DTWD2: variants seen among roughly 807,000 people sequenced by gnomAD.
DTWD2 encodes DTW motif tRNA-uridine aminocarboxypropyltransferase 2.
In DTWD2, 39 loss-of-function variants were observed where a neutral mutation model predicts 31.8. That is an observed-to-expected ratio of 1.22 (90% CI 0.95 to 1.60). The LOEUF is 1.60. Among genes scored for constraint, DTWD2 ranks in the 40% most tolerant of loss-of-function variants. The pLI, the probability that DTWD2 is intolerant of heterozygous loss-of-function variation, is 0.00. For missense variants in DTWD2, 515 were observed against 381.5 expected, an observed-to-expected ratio of 1.35 and a Z score of -2.92; for synonymous variants, 180 against 142.8, an observed-to-expected ratio of 1.26 and a Z score of -1.86.
At chr5:118,907,392 T>TATGGAGG (rs1753357976) in intron 4 of DTWD2, among the ~76,000 whole-genome samples, 3 of 152,118 alleles carry the variant, frequency 2.0e-5, no homozygotes, top group Admixed American at 6.5e-5. Context: ...GACACATGAT[T>TATGGAGG]ATGGAGGATG....
At position 118,859,016 on chromosome 5, in the gene DTWD2, T is replaced by C. The variant is rs937986639; in HGVS notation, c.598-10798A>G. Reference sequence around the variant, plus strand: ...TAATGTCTGGTCATCCCACCTTTAGTGGTGCTAAAATTCATCATTAGTTTG... The same window carrying C: ...TAATGTCTGGTCATCCCACCTTTAGCGGTGCTAAAATTCATCATTAGTTTG... On this transcript the variant is annotated intron_variant, in intron 4 of 5. Transcript: ENST00000510708. Among the ~76,000 whole-genome samples, 3 of 152,314 alleles carry C rather than the reference T, an allele frequency of 2.0e-5. No individual in the cohort carries two copies. The South Asian group carries it at 6.2e-4, about 32-fold the overall frequency.
chr5:118,918,584 G>A (rs537076994), intron 4 of DTWD2, among the ~76,000 whole-genome samples: 4 of 152,148 alleles, frequency 2.6e-5, no homozygotes, highest in South Asian at 4.2e-4. Flanking sequence ...AGCTACCACA[G>A]AAGGCCTGAT....
chr5:118,973,969 A>C, intron 1 of DTWD2: 1 of 1,584,684 alleles, frequency 6.3e-7, no homozygotes, highest in Non-Finnish European at 8.7e-7. Flanking sequence ...AAGAGGAAGA[A>C]GGTGGGGAGG....
At chr5:118,954,963 T>C (rs1207677143) in intron 1 of DTWD2, among the ~76,000 whole-genome samples, 1 of 152,156 alleles carries the variant, frequency 6.6e-6, no homozygotes, top group African/African-American at 2.4e-5. Flanking sequence ...ACTTAAGTAA[T>C]TCATTTGTAT....
chr5:118,966,589 G>A (rs1384296133), intron 1 of DTWD2, among the ~76,000 whole-genome samples: 1 of 152,082 alleles, frequency 6.6e-6, no homozygotes, highest in Non-Finnish European at 1.5e-5. Flanking sequence ...TATATCTTTA[G>A]TACATTACAT....
At position 118,988,484 on chromosome 5, in the gene DTWD2, G is replaced by C. The variant is rs759144326; in HGVS notation, c.28C>G (p.Leu10Val). 1.3e-6 allele frequency: 2 copies of C among 1,598,186 alleles called. No individual in the cohort carries two copies. The highest frequency in any genetic ancestry group is 1.7e-6 in the Non-Finnish European group (2 of 1,174,278). Residue 10 changes from leucine (L) to valine (V), a missense_variant, in exon 1 of 6, where the codon CTC (leucine) becomes GTC (valine). Transcript: ENST00000510708. MESQKEARTLQEPVARPSGA... is the reference protein window; with the variant it reads MESQKEARTVQEPVARPSGA... ...GAAGGCCGCGCAACGGGCTCCTGGA[G>C]TGTTCGTGCCTCTTTCTGCGACTCC...
intron 4 of DTWD2, among the ~76,000 whole-genome samples, chr5:118,898,591 G>A (rs1383156670): frequency 1.3e-5 from 2 of 150,682 alleles, no homozygotes; most frequent in Non-Finnish European, 3.0e-5. Flanking sequence ...CCTGGGAGGC[G>A]GAGGTTGCAG....
chr5:118,979,536 A>G (rs1311021580), intron 1 of DTWD2, among the ~76,000 whole-genome samples: 2 of 152,216 alleles, frequency 1.3e-5, no homozygotes, highest in Non-Finnish European at 2.9e-5. Context: ...AAATCATTCT[A>G]TTATAAAGAT....
At chr5:118,941,878 G>A (rs943447673) in intron 2 of DTWD2, among the ~76,000 whole-genome samples, 2 of 152,162 alleles carry the variant, frequency 1.3e-5, no homozygotes. Flanking sequence ...ATTCTAACTG[G>A]TGTGAGATGA....
chr5:118,887,494 C>A (rs1752892296), intron 4 of DTWD2, among the ~76,000 whole-genome samples: 1 of 152,202 alleles, frequency 6.6e-6, no homozygotes, highest in Non-Finnish European at 1.5e-5. Flanking sequence ...AGATGGAGTA[C>A]ACCCAACCAC....
intron 4 of DTWD2, among the ~76,000 whole-genome samples, chr5:118,892,989 G>A (rs1367664517): frequency 6.6e-6 from 1 of 151,618 alleles, no homozygotes; most frequent in African/African-American, 2.4e-5. Context: ...AACAGATATG[G>A]GAGTGGTTAC....
intron 4 of DTWD2, among the ~76,000 whole-genome samples, chr5:118,907,773 C>T (rs1753367519): frequency 6.6e-6 from 1 of 151,504 alleles, no homozygotes; most frequent in Non-Finnish European, 1.5e-5. Flanking sequence ...GTCAGTGGCA[C>T]AGATGAAGTC....
At chr5:118,843,864 C>G (rs1751784472) in intron 5 of DTWD2, among the ~76,000 whole-genome samples, 1 of 152,216 alleles carries the variant, frequency 6.6e-6, no homozygotes, top group South Asian at 2.1e-4. Flanking sequence ...AGCAGATTGG[C>G]ATTTTCTATC....
At chr5:118,924,873 C>T (rs566452203) in intron 4 of DTWD2, among the ~76,000 whole-genome samples, 5 of 152,188 alleles carry the variant, frequency 3.3e-5, no homozygotes, top group African/African-American at 1.2e-4. Flanking sequence ...CTTTGGTTTC[C>T]TCATCTGTTA....
At chr5:118,963,480 A>G (rs1580441146) in intron 1 of DTWD2, among the ~76,000 whole-genome samples, 1 of 152,200 alleles carries the variant, frequency 6.6e-6, no homozygotes, top group East Asian at 1.9e-4. Context: ...CTGAGGACTG[A>G]CCTGCAGGAC....
intron 4 of DTWD2, among the ~76,000 whole-genome samples, chr5:118,884,493 A>C (rs1004443117): frequency 2.6e-5 from 4 of 152,216 alleles, no homozygotes; most frequent in Admixed American, 1.3e-4. Context: ...ACTCATACAC[A>C]AAGTTCATCA....
At chr5:118,944,466 C>G (rs908530432) in intron 2 of DTWD2, 93 bp downstream of exon 2, 16 of 1,274,702 alleles carry the variant, frequency 1.3e-5, no homozygotes, top group African/African-American at 3.0e-5. Flanking sequence ...TTCAGAAATG[C>G]TAAAGAGCTG....
chr5:118,934,321 C>T (rs1345343459), intron 3 of DTWD2, among the ~76,000 whole-genome samples: 1 of 72,120 alleles, frequency 1.4e-5, no homozygotes, highest in African/African-American at 4.6e-5. Context: ...ATCTAAATAA[C>T]TGCTTTAGAT....
At chr5:118,902,550 C>G (rs1418919677) in intron 4 of DTWD2, among the ~76,000 whole-genome samples, 1 of 152,018 alleles carries the variant, frequency 6.6e-6, no homozygotes, top group Admixed American at 6.6e-5. Context: ...ACATAATTAT[C>G]TCAATGGGTT....
Sources: gnomAD v4.1 joint callset for allele counts (sites outside exome capture counted in the v4.1 genomes callset) on GRCh38, gnomAD v4.1.1 for gene constraint, MANE v1.5 for transcripts, NCBI Gene and HGNC (gene_info 2026-07-23, HGNC 2026-07-21) for gene names.